The following MYO10 variants were observed in gnomAD, a reference collection of about 807,000 sequenced individuals.
MYO10 encodes myosin X.
Under a neutral mutation model 257.3 loss-of-function variants are expected in MYO10, and 133 were observed. That is an observed-to-expected ratio of 0.52 (90% CI 0.45 to 0.60). The LOEUF (loss-of-function observed/expected upper bound fraction) is 0.60. Ranked by LOEUF, MYO10 falls within the 20% of genes least tolerant of loss-of-function variation. MYO10 has a pLI of 0.00. For synonymous variants in MYO10, 1,104 were observed against 1,028.6 expected, an observed-to-expected ratio of 1.07 and a Z score of -1.40; for missense variants, 2,399 against 2,635.7, an observed-to-expected ratio of 0.91 and a Z score of 1.97.
In MYO10 at chr5:16,678,933, C is replaced by T. The variant is rs542269732; in HGVS notation, c.4542+1014G>A. 6.6e-5 allele frequency among the ~76,000 whole-genome samples: 10 copies of T among 152,296 alleles called. No individual in the cohort carries two copies. In the East Asian group the frequency reaches 1.4e-3, roughly 21 times the overall value. ...TTCTGCACCCGGGACTGACCGGCTA[C>T]GTGGGCAGTGCAACCAGAACATCCC... On this transcript the variant is annotated intron_variant, in intron 33 of 40. Coordinates refer to ENST00000513610, the MANE Select transcript of MYO10 (RefSeq NM_012334.3).
chr5:16,675,606 C>A (rs865929161), intron 34 of MYO10, among the ~76,000 whole-genome samples: 2 of 152,042 alleles, frequency 1.3e-5, no homozygotes, highest in Middle Eastern at 3.4e-3. Flanking sequence ...GATGTGGTGG[C>A]GGGTGCTTGT....
At chr5:16,838,386 C>T (rs887424068) in intron 2 of MYO10, among the ~76,000 whole-genome samples, 10 of 152,172 alleles carry the variant, frequency 6.6e-5, no homozygotes, top group African/African-American at 2.4e-4. Flanking sequence ...CTGGATAGAT[C>T]AAACCAGCCA....
intron 19 of MYO10, among the ~76,000 whole-genome samples, chr5:16,747,085 G>A (rs2126636546): frequency 6.6e-6 from 1 of 152,272 alleles, no homozygotes; most frequent in South Asian, 2.1e-4. Flanking sequence ...AGATCAAGAA[G>A]TATTTGTGAA....
At chr5:16,713,557 G>A in intron 19 of MYO10, 1 of 913,776 alleles carries the variant, frequency 1.1e-6, no homozygotes, top group South Asian at 5.0e-5. Context: ...CCAGGGGAGG[G>A]GAGGGAGGGA....
chr5:16,720,356 T>C (rs1029346160), intron 19 of MYO10, among the ~76,000 whole-genome samples: 2 of 152,258 alleles, frequency 1.3e-5, no homozygotes, highest in South Asian at 4.1e-4. Flanking sequence ...AACCTCCACA[T>C]TGCTAGACTA....
chr5:16,838,720 A>G (rs558232801), intron 2 of MYO10, among the ~76,000 whole-genome samples: 5 of 152,162 alleles, frequency 3.3e-5, no homozygotes, highest in Admixed American at 1.3e-4. Flanking sequence ...TAAAGAGGAG[A>G]ACTCAAGGCC....
Position 16,766,199 on chromosome 5 carries a change from C to A in MYO10, c.1061-1G>T. The A allele has an allele frequency of 6.2e-7, 1 of 1,610,130 alleles. No homozygotes were observed. The highest frequency in any genetic ancestry group is 8.5e-7 in the Non-Finnish European group (1 of 1,176,858). ...AGTAACTCCGCAGATCTGCCCAAAG[C>A]TGCAGAGAATAAGACAAAGGTGAAT... On this transcript the variant is annotated splice_acceptor_variant, in intron 10 of 40. Coordinates refer to ENST00000513610, the MANE Select transcript of MYO10 (RefSeq NM_012334.3). LOFTEE classifies it high-confidence loss of function.
chr5:16,709,785 A>T (rs1041137672), intron 21 of MYO10, among the ~76,000 whole-genome samples: 4 of 152,206 alleles, frequency 2.6e-5, no homozygotes, highest in Non-Finnish European at 4.4e-5. Flanking sequence ...GCAGTAATGT[A>T]TTACAAAGCA....
chr5:16,706,349 G>A (rs1738341020), intron 21 of MYO10, among the ~76,000 whole-genome samples: 1 of 152,110 alleles, frequency 6.6e-6, no homozygotes, highest in African/African-American at 2.4e-5. Context: ...AGCTACAAGT[G>A]TAAAGTTTGT....
rs183101003 is a variant in MYO10, at chr5:16,831,967, A to G, written c.121-13800T>C. ...GTGTTTATTTATTTATTTTTGAGAC[A>G]GGTCTCACTTTGTCACCCAGCCTGG... On this transcript the variant is annotated intron_variant, in intron 2 of 40. Transcript: ENST00000513610. 4.6e-5 allele frequency among the ~76,000 whole-genome samples: 7 copies of G among 152,216 alleles called. No individual in the cohort carries two copies. The East Asian group carries it at 1.4e-3, about 29-fold the overall frequency.
chr5:16,916,449 T>G (rs1038342551), intron 1 of MYO10: 1 of 168,190 alleles, frequency 5.9e-6, no homozygotes, highest in African/African-American at 2.4e-5. Context: ...TTAAATTACT[T>G]GCTTTTTTTC....
intron 1 of MYO10, among the ~76,000 whole-genome samples, chr5:16,929,372 A>G (rs1384003804): frequency 1.3e-5 from 2 of 152,190 alleles, no homozygotes; most frequent in Non-Finnish European, 2.9e-5. Context: ...AAATCATTTA[A>G]TAACTGCCCA....
chr5:16,922,690 C>T (rs1057001087), intron 1 of MYO10, among the ~76,000 whole-genome samples: 26 of 152,120 alleles, frequency 1.7e-4, no homozygotes, highest in African/African-American at 5.6e-4. Flanking sequence ...GTTGTAGTTT[C>T]GTTTCTGAGA....
chr5:16,788,445 G>A (rs1021603575), intron 4 of MYO10, among the ~76,000 whole-genome samples: 5 of 152,180 alleles, frequency 3.3e-5, no homozygotes, highest in Non-Finnish European at 7.4e-5. Context: ...TGGCGGCGGG[G>A]AAGAATCACT....
At chr5:16,813,490 G>A (rs1295195701) in intron 3 of MYO10, among the ~76,000 whole-genome samples, 1 of 151,686 alleles carries the variant, frequency 6.6e-6, no homozygotes, top group Non-Finnish European at 1.5e-5. Flanking sequence ...GTTAGAGGCT[G>A]CAGGGAACAG....
chr5:16,704,522 A>G, intron 22 of MYO10, 57 bp downstream of exon 22: 2 of 1,448,822 alleles, frequency 1.4e-6, no homozygotes, highest in Non-Finnish European at 1.9e-6. Flanking sequence ...ACACACTGGG[A>G]AGGAAGGACC....
intron 2 of MYO10, among the ~76,000 whole-genome samples, chr5:16,821,659 G>A (rs957493808): frequency 6.6e-6 from 1 of 151,228 alleles, no homozygotes; most frequent in Non-Finnish European, 1.5e-5. Context: ...GCAGAGATGG[G>A]GTTTCACTGT....
chr5:16,928,980 T>TCTTG (rs1746219361), intron 1 of MYO10, among the ~76,000 whole-genome samples: 1 of 146,438 alleles, frequency 6.8e-6, no homozygotes, highest in Non-Finnish European at 1.5e-5. Context: ...TGAGACGGAG[T>TCTTG]CTTGCTCTGT....
At chr5:16,761,365 CT>C in intron 17 of MYO10, 98 bp downstream of exon 17, 2 of 941,110 alleles carry the variant, frequency 2.1e-6, no homozygotes, top group Non-Finnish European at 3.4e-6. Flanking sequence ...TACTAAGTTT[CT>C]TACATAACAG....
Sources: allele counts gnomAD v4.1 joint callset (sites outside exome capture counted in the v4.1 genomes callset), GRCh38; gene constraint gnomAD v4.1.1; transcripts MANE v1.5; gene names NCBI Gene and HGNC (gene_info 2026-07-23, HGNC 2026-07-21).